ZNF423: variants seen among roughly 807,000 people sequenced by gnomAD.
ZNF423 encodes Ebf-associated zinc finger protein.
In ZNF423, 12 loss-of-function variants were observed where a neutral mutation model predicts 95.8. The ratio of observed to expected loss-of-function variants is 0.13; its 90% CI spans 0.08 to 0.20. ZNF423 has a LOEUF of 0.20. Ranked by LOEUF, ZNF423 falls within the 10% of genes least tolerant of loss-of-function variation. The probability of loss-of-function intolerance (pLI) is 1.00; values close to 1 mark genes in which losing one functional copy is unlikely to be tolerated. For missense variants in ZNF423, 1,316 were observed against 1,737.1 expected, an observed-to-expected ratio of 0.76 and a Z score of 4.31; for synonymous variants, 749 against 711.9, an observed-to-expected ratio of 1.05 and a Z score of -0.83.
chr16:49,584,087 C>T (rs967061968), intron 5 of ZNF423, among the ~76,000 whole-genome samples: 1 of 152,200 alleles, frequency 6.6e-6, no homozygotes, highest in African/African-American at 2.4e-5. Flanking sequence ...TTTGTAGGCA[C>T]CAACACCCAT....
At chr16:49,642,426 G>A (rs7499459) in intron 3 of ZNF423, among the ~76,000 whole-genome samples, 2,763 of 152,294 alleles carry the variant, frequency 0.018, 99 homozygotes, top group African/African-American at 0.063. Flanking sequence ...TTGCAGGCTG[G>A]CTGCTTGGCT....
intron 1 of ZNF423, among the ~76,000 whole-genome samples, chr16:49,802,833 A>G (rs1182117101): frequency 6.6e-6 from 1 of 152,278 alleles, no homozygotes; most frequent in Non-Finnish European, 1.5e-5. Flanking sequence ...CATGTGAGTT[A>G]AAATGAAGAA....
At chr16:49,815,085 C>T (rs1285943132) in intron 1 of ZNF423, among the ~76,000 whole-genome samples, 1 of 152,110 alleles carries the variant, frequency 6.6e-6, no homozygotes, top group East Asian at 1.9e-4. Context: ...CAGCGGGGCT[C>T]GGCCGCTCAT....
At position 49,642,801 on chromosome 16, in the gene ZNF423, CTTTTTT is replaced by C. The variant is rs55662710; in HGVS notation, c.302-3933_302-3928del. ...TCAGCAGAGAAAGCGGTTCTCTTTT[CTTTTTT>C]TTTTTTTTTTTTTTTTTGGCAGGGG... is the stretch of plus-strand genomic sequence containing the variant. On this transcript the variant is annotated intron_variant, in intron 3 of 7. Transcript: ENST00000563137. Among the ~76,000 whole-genome samples, 45 of 91,564 alleles carry C rather than the reference CTTTTTT, an allele frequency of 4.9e-4. No individual in the cohort carries two copies. The South Asian group carries it at 0.011, about 22-fold the overall frequency. The allele number at this position is 91,564 out of a possible 152,430, so 60.1% of individuals were successfully genotyped here. A position where few individuals can be genotyped will look rare whatever the true frequency, so the allele number is the denominator to read the frequency against.
intron 5 of ZNF423, among the ~76,000 whole-genome samples, chr16:49,586,166 T>C (rs887924565): frequency 6.6e-6 from 1 of 152,128 alleles, no homozygotes; most frequent in Non-Finnish European, 1.5e-5. Context: ...TATTATTACA[T>C]AAGAATTTCC....
intron 7 of ZNF423, among the ~76,000 whole-genome samples, chr16:49,521,493 C>T (rs1968394156): frequency 1.3e-5 from 2 of 152,156 alleles, no homozygotes. Flanking sequence ...TCTTGGATGG[C>T]ATCAACGCCT....
intron 5 of ZNF423, among the ~76,000 whole-genome samples, chr16:49,528,127 C>T (rs1273177432): frequency 6.6e-6 from 1 of 152,198 alleles, no homozygotes; most frequent in African/African-American, 2.4e-5. Context: ...TTACCGCTCT[C>T]TGCCGAGCGG....
At chr16:49,599,253 AG>A (rs1429651288) in intron 5 of ZNF423, among the ~76,000 whole-genome samples, 1 of 152,192 alleles carries the variant, frequency 6.6e-6, no homozygotes, top group Non-Finnish European at 1.5e-5. Context: ...CCAAAGAAAA[AG>A]GCTAGGTTAC....
intron 1 of ZNF423, among the ~76,000 whole-genome samples, chr16:49,821,153 A>T (rs1276322048): frequency 2.6e-5 from 4 of 152,130 alleles, no homozygotes; most frequent in African/African-American, 9.7e-5. Context: ...AAATTTAATA[A>T]AATTTGAGAC....
intron 3 of ZNF423, among the ~76,000 whole-genome samples, chr16:49,670,393 G>A (rs1193193949): frequency 6.6e-6 from 1 of 152,246 alleles, no homozygotes; most frequent in Non-Finnish European, 1.5e-5. Flanking sequence ...ATGTGTCCCA[G>A]CTCAGCAGGC....
intron 7 of ZNF423, among the ~76,000 whole-genome samples, chr16:49,494,743 C>T (rs1967092684): frequency 1.3e-5 from 2 of 152,184 alleles, no homozygotes; most frequent in Admixed American, 6.5e-5. Flanking sequence ...ACCAGTCGCC[C>T]AACACCAGGA....
At chr16:49,696,689 G>T (rs961564002) in intron 3 of ZNF423, among the ~76,000 whole-genome samples, 1 of 151,616 alleles carries the variant, frequency 6.6e-6, no homozygotes, top group Admixed American at 6.6e-5. Flanking sequence ...AGCCTGACTG[G>T]GCCTTTGTTG....
intron 3 of ZNF423, among the ~76,000 whole-genome samples, chr16:49,699,677 G>A (rs932971182): frequency 7.9e-5 from 12 of 152,274 alleles, no homozygotes; most frequent in African/African-American, 2.4e-4. Context: ...TCTATTGTCC[G>A]GCTTTTAGTT....
At chr16:49,623,723 G>A (rs1198164036) in intron 5 of ZNF423, among the ~76,000 whole-genome samples, 2 of 152,100 alleles carry the variant, frequency 1.3e-5, no homozygotes, top group African/African-American at 4.8e-5. Flanking sequence ...GCCCCCACCT[G>A]CTCTTCCTGG....
chr16:49,742,387 C>T (rs899744818), intron 2 of ZNF423, among the ~76,000 whole-genome samples: 2 of 152,034 alleles, frequency 1.3e-5, no homozygotes, highest in Non-Finnish European at 2.9e-5. Flanking sequence ...CCTCAAACAC[C>T]CCCTGCAAGA....
In ZNF423 at chr16:49,685,358, T is replaced by C. The variant is rs1270458410; in HGVS notation, c.301+45413A>G. Among the ~76,000 whole-genome samples, 6 of 152,292 alleles carry C rather than the reference T, an allele frequency of 3.9e-5. No homozygotes were observed. In the South Asian group the frequency reaches 8.3e-4, roughly 21 times the overall value. On this transcript the variant is annotated intron_variant, in intron 3 of 7. Coordinates refer to ENST00000563137, the MANE Select transcript of ZNF423 (RefSeq NM_001379286.1). ...GTGGGCTCAGCTAGGGATAGAGCAA[T>C]GGAGGTTCCTGCTCACATGCAGCAT...
intron 3 of ZNF423, among the ~76,000 whole-genome samples, chr16:49,704,106 G>C (rs772244498): frequency 1.3e-5 from 2 of 152,120 alleles, no homozygotes; most frequent in African/African-American, 2.4e-5. Flanking sequence ...GACTGAGCCC[G>C]GGTCTCAGGG....
chr16:49,491,334 G>A, intron 7 of ZNF423, 30 bp from the exon 8 acceptor site: 1 of 1,613,702 alleles, frequency 6.2e-7, no homozygotes, highest in Non-Finnish European at 8.5e-7. Flanking sequence ...AGACACACAT[G>A]AAGGAGAAGA....
chr16:49,800,780 A>G (rs1597021160), intron 1 of ZNF423, among the ~76,000 whole-genome samples: 1 of 152,310 alleles, frequency 6.6e-6, no homozygotes, highest in East Asian at 1.9e-4. Flanking sequence ...ACAAAGCCCC[A>G]GGGAGCCACA....
Sources: allele counts gnomAD v4.1 joint callset (sites outside exome capture counted in the v4.1 genomes callset), GRCh38; gene constraint gnomAD v4.1.1; transcripts MANE v1.5; gene names NCBI Gene and HGNC (gene_info 2026-07-23, HGNC 2026-07-21).